The following EPHA6 variants were observed in gnomAD, a reference collection of about 807,000 sequenced individuals.
EPHA6 encodes the protein ephrin type-A receptor 6.
EPHA6 carries 50 observed loss-of-function variants against 112.0 expected under a neutral mutation model. That is an observed-to-expected ratio of 0.45 (90% CI 0.36 to 0.56). The LOEUF (loss-of-function observed/expected upper bound fraction) is 0.56, where lower values mean the gene tolerates loss of function less well. Ranked by LOEUF, EPHA6 falls within the 20% of genes least tolerant of loss-of-function variation. The probability of loss-of-function intolerance (pLI) is 0.00; values close to 1 mark genes in which losing one functional copy is unlikely to be tolerated. For synonymous variants in EPHA6, 529 were observed against 490.7 expected (o/e 1.08, Z -1.03); for missense variants, 1,280 against 1,417.4 (o/e 0.90, Z 1.56).
At chr3:97,594,133 C>A (rs989979875) in intron 12 of EPHA6, among the ~76,000 whole-genome samples, 1 of 152,112 alleles carries the variant, frequency 6.6e-6, no homozygotes, top group Non-Finnish European at 1.5e-5. Context: ...ATGGCCTCAC[C>A]CTTAACTCTT....
At chr3:97,303,620 G>C (rs2081188509) in intron 5 of EPHA6, among the ~76,000 whole-genome samples, 1 of 151,924 alleles carries the variant, frequency 6.6e-6, no homozygotes, top group Admixed American at 6.6e-5. Flanking sequence ...AAAGATTACA[G>C]AGAGAAACAC....
chr3:97,238,207 G>A (rs1286021775), intron 4 of EPHA6, among the ~76,000 whole-genome samples: 2 of 151,936 alleles, frequency 1.3e-5, no homozygotes, highest in Non-Finnish European at 2.9e-5. Context: ...TGGGTAAAGA[G>A]ATGGTGGCAC....
chr3:97,704,048 C>T (rs983579989), intron 14 of EPHA6, among the ~76,000 whole-genome samples: 2 of 151,968 alleles, frequency 1.3e-5, no homozygotes, highest in African/African-American at 4.8e-5. Flanking sequence ...TTATATAAAA[C>T]ATATGAATTA....
At chr3:97,180,849 G>T (rs1156540251) in intron 3 of EPHA6, among the ~76,000 whole-genome samples, 1 of 152,060 alleles carries the variant, frequency 6.6e-6, no homozygotes, top group African/African-American at 2.4e-5. Context: ...GCCCTCCCTT[G>T]GCTGTCCTAG....
intron 3 of EPHA6, among the ~76,000 whole-genome samples, chr3:97,217,825 T>C (rs1057267528): frequency 2.6e-5 from 4 of 152,224 alleles, no homozygotes; most frequent in African/African-American, 9.6e-5. Flanking sequence ...TGAGTCCATC[T>C]CTGAAGGAAA....
At chr3:97,163,780 C>T (rs1049478120) in intron 3 of EPHA6, among the ~76,000 whole-genome samples, 1 of 152,182 alleles carries the variant, frequency 6.6e-6, no homozygotes, top group Non-Finnish European at 1.5e-5. Flanking sequence ...TTTAAGAACT[C>T]AGTGACCTTG....
intron 4 of EPHA6, among the ~76,000 whole-genome samples, chr3:97,235,340 TCA>T (rs369289912): frequency 2.6e-5 from 4 of 152,214 alleles, no homozygotes; most frequent in African/African-American, 9.6e-5. Flanking sequence ...GCTTTCTCTC[TCA>T]GACTGCTTAT....
chr3:97,355,398 C>G (rs1308296620), intron 5 of EPHA6, among the ~76,000 whole-genome samples: 1 of 152,112 alleles, frequency 6.6e-6, no homozygotes, highest in African/African-American at 2.4e-5. Context: ...TGTTAGTTAT[C>G]TCTTTTTTTG....
At chr3:97,288,969 A>C (rs547515922) in intron 5 of EPHA6, among the ~76,000 whole-genome samples, 1 of 102,930 alleles carries the variant, frequency 9.7e-6, no homozygotes, top group Non-Finnish European at 1.9e-5. Context: ...TAAGTTTCCT[A>C]TAGATTATGG....
intron 3 of EPHA6, among the ~76,000 whole-genome samples, chr3:97,103,002 A>G (rs1325078962): frequency 1.3e-5 from 2 of 151,910 alleles, no homozygotes; most frequent in Admixed American, 1.3e-4. Context: ...AAATTTATTT[A>G]TGTTTCTTAT....
At chr3:97,125,990 A>G (rs192388448) in intron 3 of EPHA6, among the ~76,000 whole-genome samples, 86 of 152,322 alleles carry the variant, frequency 5.6e-4, no homozygotes, top group Non-Finnish European at 9.7e-4. Flanking sequence ...GGTTTAGTGA[A>G]TAGATTACAA....
chr3:97,627,926 T>G (rs2093872283), intron 13 of EPHA6, among the ~76,000 whole-genome samples: 3 of 151,974 alleles, frequency 2.0e-5, no homozygotes, highest in African/African-American at 7.2e-5. Flanking sequence ...TTCCCCCAGT[T>G]GAGTCCAATA....
intron 3 of EPHA6, among the ~76,000 whole-genome samples, chr3:97,023,182 A>T (rs1039446136): frequency 3.9e-5 from 6 of 152,046 alleles, no homozygotes; most frequent in African/African-American, 1.4e-4. Context: ...GTTTTCAAGC[A>T]ATTCTCCTGC....
intron 3 of EPHA6, among the ~76,000 whole-genome samples, chr3:97,161,945 G>A (rs2076425782): frequency 6.6e-6 from 1 of 152,176 alleles, no homozygotes; most frequent in Non-Finnish European, 1.5e-5. Context: ...AAGGTATATT[G>A]CTAGCTTTGC....
At chr3:97,215,223 A>G (rs918458687) in intron 3 of EPHA6, among the ~76,000 whole-genome samples, 1 of 152,246 alleles carries the variant, frequency 6.6e-6, no homozygotes, top group Non-Finnish European at 1.5e-5. Flanking sequence ...GGATAAGCCT[A>G]AAAACACTGC....
chr3:97,569,816 A>G (rs1262955748), intron 11 of EPHA6: 2 of 152,218 alleles, frequency 1.3e-5, no homozygotes, highest in Non-Finnish European at 2.9e-5. Context: ...ACACATAAAA[A>G]TGCATCTGTT....
At chr3:97,745,957 T>G (rs1378706494) in intron 16 of EPHA6, among the ~76,000 whole-genome samples, 1 of 151,844 alleles carries the variant, frequency 6.6e-6, no homozygotes, top group African/African-American at 2.4e-5. Flanking sequence ...TGCTTCACAG[T>G]AGGGGAATTC....
At chr3:97,585,931 G>A (rs543489495) in intron 11 of EPHA6, among the ~76,000 whole-genome samples, 2 of 152,214 alleles carry the variant, frequency 1.3e-5, no homozygotes, top group East Asian at 3.9e-4. Context: ...GTCAGTGAAT[G>A]GATAAAAGCA....
chr3:96,826,283 G>C (rs2107247109), intron 1 of EPHA6, among the ~76,000 whole-genome samples: 1 of 151,976 alleles, frequency 6.6e-6, no homozygotes, highest in East Asian at 1.9e-4. Flanking sequence ...TCAAAGTTTT[G>C]ATACCTTAAT....
Sources: allele counts gnomAD v4.1 joint callset (sites outside exome capture counted in the v4.1 genomes callset), GRCh38; gene constraint gnomAD v4.1.1; transcripts MANE v1.5; gene names NCBI Gene and HGNC (gene_info 2026-07-23, HGNC 2026-07-21).